Variants in DSP observed in about 807,000 individuals in gnomAD.
The protein encoded by DSP is 250/210 kDa paraneoplastic pemphigus antigen.
In DSP, 114 loss-of-function variants were observed where a neutral mutation model predicts 290.6. The ratio of observed to expected loss-of-function variants is 0.39; its 90% confidence interval spans 0.34 to 0.46. The LOEUF (loss-of-function observed/expected upper bound fraction) is 0.46. DSP is among the 20% of genes least tolerant of loss of function. The pLI, the probability that DSP is intolerant of heterozygous loss-of-function variation, is 0.99. For missense variants in DSP, 3,230 were observed against 3,495.8 expected, an observed-to-expected ratio of 0.92 and a Z score of 1.92; for synonymous variants, 1,311 against 1,316.4, an observed-to-expected ratio of 1.00 and a Z score of 0.09.
rs993512313 is a variant in DSP, at chr6:7,559,302, A to G, written c.499A>G (p.Lys167Glu). 1 of 1,613,852 alleles carries G rather than the reference A, an allele frequency of 6.2e-7. No individual in the cohort carries two copies. The highest frequency in any genetic ancestry group is 1.3e-5 in the African/African-American group (1 of 74,912). The change falls in exon 4 of 24, where the codon AAG (lysine) becomes GAG (glutamate). Residue 167 changes from lysine to glutamate, a missense_variant. By Grantham distance (56) the Lys-to-Glu change is moderately conservative (BLOSUM62 1). Transcript: ENST00000379802. ...CCCTCGAGTCCGCAGGGCCAGCTCC[A>G]AGGGTGGTGGAGGCTACACTTGTCA... ...SVPRVRRASS[K>E]GGGGYTCQSG...
At chr6:7,542,106 C>G in intron 1 of DSP, 21 bp downstream of exon 1, 1 of 1,552,604 alleles carries the variant, frequency 6.4e-7, no homozygotes, top group South Asian at 1.2e-5. Flanking sequence ...GCCCGGAGAG[C>G]GCGGGCTGCG....
At chr6:7,567,563 A>T in intron 9 of DSP, 114 bp downstream of exon 9, 1 of 1,204,074 alleles carries the variant, frequency 8.3e-7, no homozygotes, top group Admixed American at 1.9e-5. Context: ...AATCCTCTTC[A>T]TTGATTTTGA....
chr6:7,578,735 T>TG (rs1179744674), intron 22 of DSP, among the ~76,000 whole-genome samples, 173 bp downstream of exon 22: 2 of 152,234 alleles, frequency 1.3e-5, no homozygotes, highest in Non-Finnish European at 1.5e-5. Flanking sequence ...CATGCTCCAA[T>TG]ACGCTGCTTT....
At chr6:7,562,950 A>G (rs1466534659) in intron 5 of DSP, among the ~76,000 whole-genome samples, 170 bp downstream of exon 5, 2 of 152,230 alleles carry the variant, frequency 1.3e-5, no homozygotes, top group East Asian at 3.8e-4. Context: ...CAGTAGCCCT[A>G]TTAGAGATTA....
chr6:7,578,361 C>T (rs1759311988), intron 21 of DSP, 103 bp from the exon 22 acceptor site: 6 of 1,000,538 alleles, frequency 6.0e-6, no homozygotes, highest in Middle Eastern at 4.4e-4. Flanking sequence ...AGAGAATTCA[C>T]TCTTTATAAT....
Position 7,567,911 on chromosome 6 carries a change from C to G in DSP, c.1266+5C>G. The G allele has an allele frequency of 6.2e-7, 1 of 1,613,206 alleles. No homozygotes were observed. Among genetic ancestry groups the G allele is most frequent in the Non-Finnish European group, 8.5e-7 (1 of 1,179,706 alleles). ...GAACAGATCAAGGAGCTGGAGGTAT[C>G]GTCTCAGACCCAGAACCTCAGCAGC... On this transcript the variant is annotated splice_donor_5th_base_variant and intron_variant, in intron 10 of 23. Transcript: ENST00000379802.
At chr6:7,551,231 T>C (rs1272415986) in intron 1 of DSP, among the ~76,000 whole-genome samples, 1 of 152,116 alleles carries the variant, frequency 6.6e-6, no homozygotes, top group Non-Finnish European at 1.5e-5. Context: ...CAGATGGAGA[T>C]AGAAATTTCT....
At chr6:7,562,620 A>G (rs1261369710) in intron 4 of DSP, 32 bp from the exon 5 acceptor site, 2 of 1,613,510 alleles carry the variant, frequency 1.2e-6, no homozygotes, top group African/African-American at 2.7e-5. Context: ...GGGCAACAAC[A>G]AAGGGCGCCT....
rs780207295 is a variant in DSP, at chr6:7,562,679, G to A, written c.625G>A (p.Val209Met). ...RAEMDMVAWG[V>M]DLASVEQHIN... ...GGAGATGGACATGGTGGCCTGGGGT[G>A]TGGACCTGGCCTCAGTGGAGCAGCA... The change falls in exon 5 of 24, where the codon GTG becomes ATG. Residue 209 changes from valine (V) to methionine (M), a missense_variant. By Grantham distance (21) the Val-to-Met change is conservative (BLOSUM62 1). Transcript: ENST00000379802. 6.2e-7 allele frequency: 1 copy of A among 1,614,174 alleles called. No homozygotes were observed. Among genetic ancestry groups the A allele is most frequent in the Non-Finnish European group, 8.5e-7 (1 of 1,180,018 alleles).
rs900531720 is a variant in DSP at position 7,579,671 on chromosome 6, G to A, written c.3481G>A (p.Glu1161Lys). Residue 1161 changes from glutamate to lysine, a missense_variant, in exon 23 of 24, where the codon GAG becomes AAG. By Grantham distance (56) the Glu-to-Lys change is moderately conservative. Coordinates refer to ENST00000379802, the MANE Select transcript of DSP (RefSeq NM_004415.4). This position sits in a 1 kb window ranked among gnomAD's most constrained non-coding sequence, Gnocchi z 4.1. The part of the protein sequence containing the change: ...ENLGWQKLES[E>K]KAIKEKEYEI... Reference sequence around the variant, plus strand: ...CCTTGGTTGGCAGAAATTAGAGTCTGAGAAAGCCATCAAGGAGAAGGAGTA... The same window carrying A: ...CCTTGGTTGGCAGAAATTAGAGTCTAAGAAAGCCATCAAGGAGAAGGAGTA... 6.2e-7 allele frequency: 1 copy of A among 1,613,782 alleles called. No homozygotes were observed. The highest frequency in any genetic ancestry group is 8.5e-7 in the Non-Finnish European group (1 of 1,179,944).
rs1172441662 is a variant in DSP at position 7,581,371 on chromosome 6, G to A, written c.5181G>A (p.Leu1727=). The A allele has an allele frequency of 6.2e-6, 10 of 1,614,228 alleles. No individual in the cohort carries two copies. The highest frequency in any genetic ancestry group is 8.5e-6 in the Non-Finnish European group (10 of 1,180,042). ...TGTTAGAAGAAGAACTGCGGAACCT[G>A]AGGCTGGAGTACGATGACCTGAGGA... ...HLMLEEELRN[L]RLEYDDLRRG... Residue 1727 remains leucine (L), a synonymous_variant, in exon 23 of 24, where the codon CTG becomes CTA. Coordinates refer to ENST00000379802, the MANE Select transcript of DSP (RefSeq NM_004415.4).
At chr6:7,542,153 A>G in intron 1 of DSP, 68 bp downstream of exon 1, 1 of 1,532,366 alleles carries the variant, frequency 6.5e-7, no homozygotes, top group East Asian at 2.5e-5. Flanking sequence ...CCTCCTCTGG[A>G]CGACTGGGAG....
intron 17 of DSP, 122 bp from the exon 18 acceptor site, chr6:7,575,173 A>G (rs1759196442): frequency 2.1e-6 from 2 of 940,642 alleles, no homozygotes; most frequent in African/African-American, 3.3e-5. Flanking sequence ...GACTGTTAAC[A>G]CTTTAAATTA....
rs367763339 is a variant in DSP at position 7,579,515 on chromosome 6, G to A, written c.3325G>A (p.Glu1109Lys). 3.1e-5 allele frequency: 50 copies of A among 1,613,854 alleles called. No individual in the cohort carries two copies. In the South Asian group the frequency reaches 4.7e-4, roughly 15 times the overall value. Residue 1109 changes from glutamate (E) to lysine (K), a missense_variant, in exon 23 of 24, where the codon GAG (glutamate) becomes AAG (lysine). Glu to Lys is a moderately conservative substitution (Grantham distance 56, BLOSUM62 1). Coordinates refer to ENST00000379802, the MANE Select transcript of DSP (RefSeq NM_004415.4). This position sits in a 1 kb window ranked among gnomAD's most constrained non-coding sequence, Gnocchi z 4.1. ...KCYGQIKELN[E>K]KITRLTYEIE... ...CTACGGCCAAATAAAAGAACTCAATGAGAAGATCACCCGACTGACTTATGA... is the reference window on the plus strand; with the variant it reads ...CTACGGCCAAATAAAAGAACTCAATAAGAAGATCACCCGACTGACTTATGA...
chr6:7,558,908 T>G (rs1397596698), intron 3 of DSP, among the ~76,000 whole-genome samples: 7 of 152,166 alleles, frequency 4.6e-5, no homozygotes, highest in Admixed American at 4.6e-4. Context: ...CTGAATTTGT[T>G]CTACTACTAC....
At chr6:7,563,880 C>T in intron 6 of DSP, 94 bp downstream of exon 6, 1 of 1,118,358 alleles carries the variant, frequency 8.9e-7, no homozygotes, top group South Asian at 1.2e-5. Context: ...CGGGGAGGCA[C>T]CTGTTCATCG....
At chr6:7,576,197 T>C in intron 18 of DSP, 97 bp from the exon 19 acceptor site, 1 of 1,355,988 alleles carries the variant, frequency 7.4e-7, no homozygotes, top group Non-Finnish European at 1.0e-6. Context: ...ATGATCAGTT[T>C]TCTTGGGTAT....
At chr6:7,577,405 C>T (rs1283350347) in intron 20 of DSP, among the ~76,000 whole-genome samples, 4 of 151,874 alleles carry the variant, frequency 2.6e-5, no homozygotes, top group African/African-American at 4.8e-5. Flanking sequence ...CTCGGCTCAC[C>T]GCAACCTCTG....
Position 7,569,351 on chromosome 6 carries a change from C to T in DSP, c.1574+11C>T. 1 of 1,614,178 alleles carries T rather than the reference C, an allele frequency of 6.2e-7. No homozygotes were observed. Among genetic ancestry groups the T allele is most frequent in the Non-Finnish European group, 8.5e-7 (1 of 1,180,030 alleles). On this transcript the variant is annotated intron_variant, in intron 12 of 23. Transcript: ENST00000379802. ...GGACCTCTCTTGCAAGTAAGTCATC[C>T]AAGTTCCCAAAGCCACGCATGCACG... is the stretch of plus-strand genomic sequence containing the variant.
Sources: gnomAD v4.1 joint callset for allele counts (sites outside exome capture counted in the v4.1 genomes callset) on GRCh38, gnomAD v4.1.1 for gene constraint, Gnocchi (gnomAD v3.1) non-coding constraint, MANE v1.5 for transcripts, NCBI Gene and HGNC (gene_info 2026-07-23, HGNC 2026-07-21) for gene names.